NPY: variants seen among roughly 807,000 people sequenced by gnomAD.
NPY encodes neuropeptide Y.
A neutral mutation model predicts 13.2 loss-of-function variants in NPY; 11 were observed. The observed-to-expected ratio is 0.83, with a 90% CI of 0.52 to 1.38. The LOEUF is 1.38. Among genes scored for constraint, NPY ranks in the 40% most tolerant of loss-of-function variants. The probability of loss-of-function intolerance (pLI) is 0.00; values close to 1 mark genes in which losing one functional copy is unlikely to be tolerated. For missense variants in NPY, 109 were observed against 125.1 expected (o/e 0.87, Z 0.61); for synonymous variants, 51 against 55.6 (o/e 0.92, Z 0.37).
rs1787328407 is a variant in NPY, at chr7:24,285,492, A to C, written c.188+64A>C. The C allele has an allele frequency of 1.3e-6, 2 of 1,498,992 alleles. No individual in the cohort carries two copies. Among genetic ancestry groups the C allele is most frequent in the Non-Finnish European group, 1.8e-6 (2 of 1,094,764 alleles). The allele number at this position is 1,498,992 out of a possible 1,614,324, so 92.9% of individuals were successfully genotyped here. On this transcript the variant is annotated intron_variant, in intron 2 of 3. Transcript: ENST00000242152. The surrounding 1 kb of genome is among the most constrained non-coding windows in gnomAD (Gnocchi z 4.9). Reference sequence around the variant, plus strand: ...GCCTGCACACCAGGAGATCCTGGGGATGTTAGGGAAAGGGATTGTTTCTTT... The same window carrying C: ...GCCTGCACACCAGGAGATCCTGGGGCTGTTAGGGAAAGGGATTGTTTCTTT...
chr7:24,290,446 G>T lies in NPY; in HGVS notation c.269+867G>T, dbSNP rs192500347. On this transcript the variant is annotated intron_variant, in intron 3 of 3. Coordinates refer to ENST00000242152, the MANE Select transcript of NPY (RefSeq NM_000905.4). ...ATGTCAAGAACCAAGTTCCCCAGAA[G>T]AGGTCACTACAACACTTGCTCAGTG... 8.5e-5 allele frequency among the ~76,000 whole-genome samples: 13 copies of T among 152,244 alleles called. No homozygotes were observed. In the East Asian group the frequency reaches 2.5e-3, roughly 29 times the overall value.
chr7:24,288,927 C>T (rs1787492134), intron 2 of NPY, among the ~76,000 whole-genome samples: 1 of 152,178 alleles, frequency 6.6e-6, no homozygotes, highest in South Asian at 2.1e-4. Flanking sequence ...ACATTTCACA[C>T]TGGATGTTCA....
intron 3 of NPY, among the ~76,000 whole-genome samples, chr7:24,289,952 C>A (rs1261049158): frequency 6.6e-6 from 1 of 152,116 alleles, no homozygotes; most frequent in East Asian, 1.9e-4. Flanking sequence ...CTGGGAAGAT[C>A]TGTAGATTTT....
In NPY at chr7:24,285,442, C is replaced by T. The variant is rs371978371; in HGVS notation, c.188+14C>T. The T allele has an allele frequency of 1.9e-6, 3 of 1,604,608 alleles. No individual in the cohort carries two copies. Among genetic ancestry groups the T allele is most frequent in the East Asian group, 2.2e-5 (1 of 44,576 alleles). ...CACCAGGCAGAGGTGGGTGGGACCG[C>T]GGGACCGATTCCGGGAGCGCCAGTG... is the stretch of plus-strand genomic sequence containing the variant. On this transcript the variant is annotated intron_variant, in intron 2 of 3. Transcript: ENST00000242152. The surrounding 1 kb of genome is among the most constrained non-coding windows in gnomAD (Gnocchi z 4.9).
intron 3 of NPY, 48 bp downstream of exon 3, chr7:24,289,627 C>T (rs1202857333): frequency 6.7e-7 from 1 of 1,483,488 alleles, no homozygotes; most frequent in Non-Finnish European, 9.3e-7. Context: ...CTCAAGGTGC[C>T]CAGGGGAGGG....
rs781250432 is a variant in NPY, at chr7:24,291,695, T to C, written c.*8T>C. 1.1e-5 allele frequency: 18 copies of C among 1,614,026 alleles called. No individual in the cohort carries two copies. In the Middle Eastern group the frequency reaches 6.6e-4, roughly 59 times the overall value. ...GACCCTGCAATGTGGTGATGGGAAA[T>C]GAGACTTGCTCTCTGGCCTTTTCCT... is the stretch of plus-strand genomic sequence containing the variant. On this transcript the variant is annotated 3_prime_UTR_variant, in exon 4 of 4. Transcript: ENST00000242152.
chr7:24,285,547 A>T lies in NPY; in HGVS notation c.188+119A>T. ...TCGCTCTATCCCAGGGCAGGACAGT[A>T]TCAGGCACTTAGTCAGCTCTAGGTA... On this transcript the variant is annotated intron_variant, in intron 2 of 3. Coordinates refer to ENST00000242152, the MANE Select transcript of NPY (RefSeq NM_000905.4). The surrounding 1 kb of genome is among the most constrained non-coding windows in gnomAD (Gnocchi z 4.9). 1 of 1,021,124 alleles carries T rather than the reference A, an allele frequency of 9.8e-7. No homozygotes were observed. Among genetic ancestry groups the T allele is most frequent in the Non-Finnish European group, 1.4e-6 (1 of 704,548 alleles). The allele number at this position is 1,021,124 out of a possible 1,614,324, so 63.3% of individuals were successfully genotyped here.
intron 2 of NPY, among the ~76,000 whole-genome samples, chr7:24,288,640 C>T (rs1404493164): frequency 3.0e-5 from 4 of 134,230 alleles, no homozygotes; most frequent in South Asian, 2.3e-4. Context: ...CACAGGTAAA[C>T]GAAACCTTAC....
chr7:24,286,110 C>A (rs985162529), intron 2 of NPY, among the ~76,000 whole-genome samples: 6 of 152,100 alleles, frequency 3.9e-5, no homozygotes, highest in Non-Finnish European at 5.9e-5. Context: ...AAAGAAAGTG[C>A]CCACTTGGTA....
rs1250385451 is a variant in NPY, at chr7:24,291,834, T to C, written c.*147T>C. 8 of 786,512 alleles carry C rather than the reference T, an allele frequency of 1.0e-5. No individual in the cohort carries two copies. Among genetic ancestry groups the C allele is most frequent in the Non-Finnish European group, 1.6e-5 (8 of 488,578 alleles). 48.7% of individuals were successfully genotyped at this position (786,512 alleles called of 1,614,324 possible). ...CCTTTGTCATCATTGTATATATGTG[T>C]GTTTAAATAAAGTATCATGCATTCA... On this transcript the variant is annotated 3_prime_UTR_variant, in exon 4 of 4. Transcript: ENST00000242152.
intron 2 of NPY, among the ~76,000 whole-genome samples, chr7:24,287,653 G>A (rs1787442323): frequency 6.6e-6 from 1 of 152,080 alleles, no homozygotes; most frequent in Non-Finnish European, 1.5e-5. Context: ...GCAGTGTCTG[G>A]AGACATTTTT....
At chr7:24,291,596 C>T in intron 3 of NPY, 67 bp from the exon 4 acceptor site, 2 of 1,573,746 alleles carry the variant, frequency 1.3e-6, no homozygotes, top group Non-Finnish European at 1.7e-6. Flanking sequence ...CTAAATGTCT[C>T]ACCCTTGCTC....
At chr7:24,289,051 G>A (rs967966791) in intron 2 of NPY, among the ~76,000 whole-genome samples, 2 of 152,038 alleles carry the variant, frequency 1.3e-5, no homozygotes, top group African/African-American at 4.8e-5. Flanking sequence ...GACTGTCTTT[G>A]AAATATCATC....
chr7:24,288,214 C>T (rs1039207008), intron 2 of NPY, among the ~76,000 whole-genome samples: 4 of 152,238 alleles, frequency 2.6e-5, no homozygotes, highest in South Asian at 4.2e-4. Flanking sequence ...TAGACTTTTA[C>T]GATTAGTAAA....
At chr7:24,284,528 G>C (rs376665786) in intron 1 of NPY, among the ~76,000 whole-genome samples, 3 of 152,334 alleles carry the variant, frequency 2.0e-5, no homozygotes, top group African/African-American at 4.8e-5. Context: ...CGGTTCTTCT[G>C]AGTTACCTTT....
In NPY at chr7:24,289,551, G is replaced by C. The variant is rs543267726; in HGVS notation, c.241G>C (p.Glu81Gln). The C allele has an allele frequency of 5.6e-6, 9 of 1,610,786 alleles. No individual in the cohort carries two copies. In the African/African-American group the frequency reaches 1.2e-4, roughly 22 times the overall value. The change falls in exon 3 of 4, where the codon GAA becomes CAA. Residue 81 changes from glutamate (E) to glutamine (Q), a missense_variant. By Grantham distance (29) the Glu-to-Gln change is conservative (BLOSUM62 2). Transcript: ENST00000242152. The part of the protein sequence containing the change: ...ETLISDLLMR[E>Q]STENVPRTRL... Reference sequence around the variant, plus strand: ...ACTGATTTCAGACCTCTTGATGAGAGAAAGCACAGAAAATGTTCCCAGAAC... The same window carrying C: ...ACTGATTTCAGACCTCTTGATGAGACAAAGCACAGAAAATGTTCCCAGAAC...
chr7:24,289,410 T>C (rs1372323328), intron 2 of NPY, 89 bp from the exon 3 acceptor site: 1 of 836,214 alleles, frequency 1.2e-6, no homozygotes, highest in East Asian at 2.5e-5. Context: ...TGTTTAGTTT[T>C]CATATCCCAA....
chr7:24,286,022 C>T (rs1393719116), intron 2 of NPY, among the ~76,000 whole-genome samples: 1 of 152,140 alleles, frequency 6.6e-6, no homozygotes, highest in Non-Finnish European at 1.5e-5. Flanking sequence ...ATTCTAGTCC[C>T]AATAATTAGA....
At position 24,285,161 on chromosome 7, in the gene NPY, G is replaced by T. The variant is rs1787313675; in HGVS notation, c.1-80G>T. On this transcript the variant is annotated intron_variant, in intron 1 of 3. Transcript: ENST00000242152. This position sits in a 1 kb window ranked among gnomAD's most constrained non-coding sequence, Gnocchi z 4.9. The stretch of plus-strand genomic sequence containing the variant: ...CGCGTGTGGTAGCAGGAGGAGGAGC[G>T]CGGGGGGCAGAGGAGGGAGGTGCTG... The T allele has an allele frequency of 7.6e-6, 11 of 1,447,846 alleles. No individual in the cohort carries two copies. The South Asian group carries it at 9.5e-5, about 13-fold the overall frequency. 89.7% of individuals were successfully genotyped at this position (1,447,846 alleles called of 1,614,324 possible).
Sources: gnomAD v4.1 joint callset for allele counts (sites outside exome capture counted in the v4.1 genomes callset) on GRCh38, gnomAD v4.1.1 for gene constraint, Gnocchi (gnomAD v3.1) non-coding constraint, MANE v1.5 for transcripts, NCBI Gene and HGNC (gene_info 2026-07-23, HGNC 2026-07-21) for gene names.